The following UBR4 variants were observed in gnomAD, a reference collection of about 807,000 sequenced individuals.
The protein encoded by UBR4 is ubiquitin protein ligase E3 component n-recognin 4.
Under a neutral mutation model 575.6 loss-of-function variants are expected in UBR4, and 124 were observed. The observed-to-expected ratio is 0.22, with a 90% CI of 0.19 to 0.25. UBR4 has a LOEUF of 0.25. Among genes scored for constraint, UBR4 ranks in the 10% least tolerant of loss-of-function variants. The probability of loss-of-function intolerance (pLI) is 1.00; values close to 1 mark genes in which losing one functional copy is unlikely to be tolerated. For synonymous variants in UBR4, 2,455 were observed against 2,473.7 expected (o/e 0.99, Z 0.22); for missense variants, 4,818 against 6,478.8 (o/e 0.74, Z 8.80).
At chr1:19,155,746 G>C in intron 42 of UBR4, 78 bp from the exon 43 acceptor site, 2 of 1,269,198 alleles carry the variant, frequency 1.6e-6, no homozygotes, top group Non-Finnish European at 2.3e-6. Flanking sequence ...AATCCAAATA[G>C]CCGGAACTGA....
At chr1:19,122,685 G>T in intron 66 of UBR4, 148 bp downstream of exon 66, 1 of 859,254 alleles carries the variant, frequency 1.2e-6, no homozygotes, top group Non-Finnish European at 1.8e-6. Context: ...CCCAGACAGG[G>T]GTTATGGATT....
intron 87 of UBR4, among the ~76,000 whole-genome samples, chr1:19,103,447 C>G (rs1405991968): frequency 1.3e-5 from 2 of 152,074 alleles, no homozygotes; most frequent in African/African-American, 2.4e-5. Context: ...GCCTGTAATC[C>G]CAGCTACTCA....
At chr1:19,075,889 C>T (rs550740489) in intron 105 of UBR4, among the ~76,000 whole-genome samples, 177 of 152,306 alleles carry the variant, frequency 1.2e-3, no homozygotes, top group African/African-American at 3.9e-3. Flanking sequence ...AAAATTCCCA[C>T]AACGAATGCC....
intron 76 of UBR4, 33 bp downstream of exon 76, chr1:19,113,912 C>G (rs2080190828): frequency 6.2e-7 from 1 of 1,614,090 alleles, no homozygotes. Flanking sequence ...GACCCAAGCC[C>G]TTATCCAAAT....
At chr1:19,092,210 T>C (rs2077588338) in intron 97 of UBR4, among the ~76,000 whole-genome samples, 1 of 152,146 alleles carries the variant, frequency 6.6e-6, no homozygotes, top group Non-Finnish European at 1.5e-5. Context: ...GGTTGTGGTG[T>C]GTGCTCGGGT....
intron 1 of UBR4, among the ~76,000 whole-genome samples, chr1:19,204,689 T>C (rs975405513): frequency 1.3e-5 from 2 of 152,106 alleles, no homozygotes; most frequent in African/African-American, 4.8e-5. Flanking sequence ...AGATAGACAT[T>C]GGCAGAGGAA....
chr1:19,142,320 C>A (rs1041628951), intron 55 of UBR4, among the ~76,000 whole-genome samples: 1 of 152,182 alleles, frequency 6.6e-6, no homozygotes, highest in Non-Finnish European at 1.5e-5. Flanking sequence ...TGCCTGTGCC[C>A]ACTTTTGTGT....
intron 60 of UBR4, among the ~76,000 whole-genome samples, chr1:19,129,631 G>A (rs1316264868): frequency 6.6e-6 from 1 of 152,138 alleles, no homozygotes; most frequent in Non-Finnish European, 1.5e-5. Context: ...ATGCCACACT[G>A]TCCTACTGGA....
intron 97 of UBR4, among the ~76,000 whole-genome samples, chr1:19,090,997 G>A (rs2077452575): frequency 6.6e-6 from 1 of 151,960 alleles, no homozygotes; most frequent in Admixed American, 6.6e-5. Context: ...TCGGGAGGCT[G>A]AGACAGGAGA....
At chr1:19,187,083 T>TG in intron 13 of UBR4, 81 bp downstream of exon 13, 3 of 899,498 alleles carry the variant, frequency 3.3e-6, no homozygotes, top group Non-Finnish European at 1.4e-6. Flanking sequence ...GTTTTATATA[T>TG]ATATATATAT....
chr1:19,122,947 G>C lies in UBR4; in HGVS notation c.9702C>G (p.Asp3234Glu), dbSNP rs1249967174. Residue 3234 changes from aspartate (D) to glutamate (E), a missense_variant, in exon 66 of 106, where the codon GAC becomes GAG. This residue lies in a region of UBR4 where 550 missense variants were observed against 791.5 expected (regional missense o/e 0.69). Transcript: ENST00000375254. ...YRQLRDLHTL[D>E]SHVRGIKKLL... ...GCTTCTTGATCCCACGCACGTGAGA[G>C]TCCAGGGTGTGCAAATCCCGGAGCT... The C allele has an allele frequency of 2.5e-6, 4 of 1,614,252 alleles. No individual in the cohort carries two copies. In the South Asian group the frequency reaches 4.4e-5, roughly 18 times the overall value.
chr1:19,135,130 G>A (rs946054516), intron 60 of UBR4, among the ~76,000 whole-genome samples: 2 of 152,102 alleles, frequency 1.3e-5, no homozygotes, highest in South Asian at 4.1e-4. Context: ...TTTATTCTAT[G>A]TGCGTTTCCA....
Position 19,106,606 on chromosome 1 carries a change from A to G in UBR4, c.12356T>C (p.Leu4119Ser). 1 of 1,592,658 alleles carries G rather than the reference A, an allele frequency of 6.3e-7. No homozygotes were observed. The change falls in exon 83 of 106, where the codon TTG becomes TCG. Residue 4119 changes from leucine to serine, a missense_variant. By Grantham distance (145) the Leu-to-Ser change is moderately radical. This residue lies in a region of UBR4 where 178 missense variants were observed against 175.5 expected (regional missense o/e 1.01). Transcript: ENST00000375254. ...LSRRGKRTSPLDLKLGHNNWL... is the reference protein window; with the variant it reads ...LSRRGKRTSPSDLKLGHNNWL... ...GTTGTTATGCCCCAGTTTGAGATCC[A>G]AGGGGGAGGTCCTCTTCCCCCGACG...
At chr1:19,154,077 G>T in intron 44 of UBR4, 138 bp from the exon 45 acceptor site, 1 of 979,266 alleles carries the variant, frequency 1.0e-6, no homozygotes, top group Non-Finnish European at 1.5e-6. Context: ...TTATCCACAG[G>T]TTAGTTTTAT....
chr1:19,188,655 T>C (rs1365465792), intron 11 of UBR4, among the ~76,000 whole-genome samples: 2 of 152,098 alleles, frequency 1.3e-5, no homozygotes, highest in African/African-American at 4.8e-5. Context: ...TGCAAGTTCA[T>C]ATAAATCAAA....
rs1301450139 is a variant in UBR4 at position 19,117,065 on chromosome 1, G to A, written c.10823+156C>T. 6.6e-6 allele frequency among the ~76,000 whole-genome samples: 1 copy of A among 152,160 alleles called. No homozygotes were observed. Among genetic ancestry groups the A allele is most frequent in the Non-Finnish European group, 1.5e-5 (1 of 68,038 alleles). ...CTTTGTCAACATGCTTAGAACTGTT[G>A]TTTCACTTTTGTCCTTTGGTCATGA... On this transcript the variant is annotated intron_variant, in intron 73 of 105. Transcript: ENST00000375254. The surrounding 1 kb of genome is among the most constrained non-coding windows in gnomAD (Gnocchi z 4.0).
At chr1:19,148,245 G>A (rs1369449780) in intron 50 of UBR4, 118 bp from the exon 51 acceptor site, 5 of 1,317,186 alleles carry the variant, frequency 3.8e-6, no homozygotes, top group Non-Finnish European at 5.0e-6. Flanking sequence ...TATGCTCCAT[G>A]GACTGCAAAG....
rs1319878956 is a variant in UBR4 at position 19,146,892 on chromosome 1, T to C, written c.7738A>G (p.Ile2580Val). ...AGGTTGTTGGGGCGCATGATGGCAA[T>C]GGAGCGAGCTGTGATCACTAGCCTC... is the stretch of plus-strand genomic sequence containing the variant. Reference protein sequence around the residue: ...FQRLVITARSIAIMRPNNLVH... With the variant: ...FQRLVITARSVAIMRPNNLVH... Residue 2580 changes from isoleucine (I) to valine (V), a missense_variant, in exon 52 of 106, where the codon ATT (isoleucine) becomes GTT (valine). By Grantham distance (29) the Ile-to-Val change is conservative (BLOSUM62 3). Around this residue, in one of 29 missense-constraint regions of UBR4, gnomAD observed 340 missense variants for 375.4 expected, o/e 0.91. Coordinates refer to ENST00000375254, the MANE Select transcript of UBR4 (RefSeq NM_020765.3). The C allele has an allele frequency of 5.0e-6, 8 of 1,614,156 alleles. No individual in the cohort carries two copies. Among genetic ancestry groups the C allele is most frequent in the East Asian group, 2.2e-5 (1 of 44,884 alleles).
chr1:19,149,260 T>C (rs2085313233), intron 49 of UBR4, among the ~76,000 whole-genome samples: 1 of 152,208 alleles, frequency 6.6e-6, no homozygotes, highest in African/African-American at 2.4e-5. Flanking sequence ...CTCCTTTCAA[T>C]TTAATGTGGC....
Sources: gnomAD v4.1 joint callset for allele counts (sites outside exome capture counted in the v4.1 genomes callset) on GRCh38, gnomAD v4.1.1 for gene constraint, gnomAD v4.1.1 regional missense constraint, Gnocchi (gnomAD v3.1) non-coding constraint, MANE v1.5 for transcripts, NCBI Gene and HGNC (gene_info 2026-07-23, HGNC 2026-07-21) for gene names.